The following KAZN variants were observed in gnomAD, a reference collection of about 807,000 sequenced individuals.
KAZN encodes kazrin, periplakin interacting protein, also known as kazrin.
A neutral mutation model predicts 87.4 loss-of-function variants in KAZN; 40 were observed. That is an observed-to-expected ratio of 0.46 (90% CI 0.36 to 0.60). KAZN has a LOEUF of 0.60. KAZN is among the 20% of genes least tolerant of loss of function. The pLI is 0.00. For synonymous variants in KAZN, 466 were observed against 458.3 expected (o/e 1.02, Z -0.22); for missense variants, 898 against 1,073.9 (o/e 0.84, Z 2.29).
At chr1:14,160,126 G>A (rs1380173317) in intron 1 of KAZN, among the ~76,000 whole-genome samples, 1 of 152,214 alleles carries the variant, frequency 6.6e-6, no homozygotes, top group African/African-American at 2.4e-5. Context: ...GCCCAGTTCA[G>A]CACTAGGACT....
intron 1 of KAZN, among the ~76,000 whole-genome samples, chr1:14,082,708 C>G (rs1217204973): frequency 1.3e-5 from 2 of 152,130 alleles, no homozygotes; most frequent in Non-Finnish European, 2.9e-5. Context: ...CCTGAGCATC[C>G]TATTTCTTTT....
At chr1:14,324,872 C>T (rs550052318) in intron 2 of KAZN, among the ~76,000 whole-genome samples, 20 of 152,190 alleles carry the variant, frequency 1.3e-4, no homozygotes, top group African/African-American at 4.6e-4. Flanking sequence ...AACTAGGTAA[C>T]CTTATGGAAA....
intron 2 of KAZN, among the ~76,000 whole-genome samples, chr1:14,537,943 G>T (rs1424576339): frequency 6.6e-6 from 1 of 152,120 alleles, no homozygotes; most frequent in Non-Finnish European, 1.5e-5. Flanking sequence ...ATAATAAATG[G>T]GGGTTATTAT....
intron 2 of KAZN, among the ~76,000 whole-genome samples, chr1:14,546,115 A>C (rs563534156): frequency 1.8e-3 from 270 of 152,340 alleles, no homozygotes; most frequent in Middle Eastern, 3.4e-3. Flanking sequence ...GAAAAAGGGT[A>C]GGTTCCTGTG....
intron 2 of KAZN, among the ~76,000 whole-genome samples, chr1:14,390,035 A>G (rs985565268): frequency 3.3e-5 from 5 of 152,220 alleles, no homozygotes; most frequent in African/African-American, 1.2e-4. Flanking sequence ...AGTGGATCAA[A>G]ACCAAATAAG....
chr1:14,216,253 A>G (rs543327250), intron 2 of KAZN, among the ~76,000 whole-genome samples: 292 of 152,302 alleles, frequency 1.9e-3, no homozygotes, highest in Middle Eastern at 3.4e-3. Context: ...ACATGTACTC[A>G]ATGGAAAGTA....
At chr1:14,624,648 C>G (rs1678978909) in intron 1 of KAZN, among the ~76,000 whole-genome samples, 1 of 152,074 alleles carries the variant, frequency 6.6e-6, no homozygotes, top group Non-Finnish European at 1.5e-5. Context: ...CCACACTGTG[C>G]CTTAGACAGC....
At chr1:14,167,122 T>C (rs147399047) in intron 1 of KAZN, among the ~76,000 whole-genome samples, 2,000 of 152,382 alleles carry the variant, frequency 0.013, 27 homozygotes, top group Non-Finnish European at 0.021. Flanking sequence ...TTAGAGCCCA[T>C]CTAGGCAGGA....
chr1:14,053,114 C>T (rs1030914221), intron 1 of KAZN, among the ~76,000 whole-genome samples: 2 of 152,234 alleles, frequency 1.3e-5, no homozygotes, highest in African/African-American at 4.8e-5. Flanking sequence ...CGGGATCTTA[C>T]TCCTGTGACA....
chr1:14,619,653 C>T (rs143795646), intron 1 of KAZN, among the ~76,000 whole-genome samples: 1 of 152,180 alleles, frequency 6.6e-6, no homozygotes, highest in Non-Finnish European at 1.5e-5. Flanking sequence ...TTTAACCACC[C>T]CACACGGAAA....
chr1:14,638,502 G>A (rs1340035638), intron 1 of KAZN, among the ~76,000 whole-genome samples: 2 of 150,708 alleles, frequency 1.3e-5, no homozygotes, highest in Non-Finnish European at 2.9e-5. Flanking sequence ...CTGGGAGGCG[G>A]AGGTTGCAGC....
At position 14,949,300 on chromosome 1, in the gene KAZN, G is replaced by A. The variant is rs2311969; in HGVS notation, c.227-11384G>A. On this transcript the variant is annotated intron_variant, in intron 1 of 14. Transcript: ENST00000376030. The surrounding 1 kb of genome is among the most constrained non-coding windows in gnomAD (Gnocchi z 4.3). ...AATACTAACTTAAAAACAAAAAAAA[G>A]AAAAAGAAAATGTGCTCACTGAGGG... Among the ~76,000 whole-genome samples, 2,901 of 151,906 alleles carry A rather than the reference G, an allele frequency of 0.019. 86 individuals carry two copies. The highest frequency in any genetic ancestry group is 0.067 in the African/African-American group (2,752 of 41,268).
intron 2 of KAZN, among the ~76,000 whole-genome samples, chr1:14,226,300 G>A (rs903522215): frequency 6.6e-6 from 1 of 151,832 alleles, no homozygotes; most frequent in African/African-American, 2.4e-5. Flanking sequence ...ACAAGCATAT[G>A]AAAAAAATTT....
chr1:13,932,258 A>ATT lies in KAZN; in HGVS notation c.91+38521_91+38522dup, dbSNP rs1553175095. ...GGGTACAGTTCTCAGCTTATTAAAC[A>ATT]TTTTTTTTTTTTTTTTTTTTGAGAC... is the stretch of plus-strand genomic sequence containing the variant. On this transcript the variant is annotated intron_variant, in intron 1 of 16. Coordinates refer to the KAZN transcript ENST00000636203. 2.4e-3 allele frequency among the ~76,000 whole-genome samples: 105 copies of ATT among 43,102 alleles called. 3 individuals carry two copies. Among genetic ancestry groups the ATT allele is most frequent in the East Asian group, 0.018 (53 of 2,964 alleles). The allele number at this position is 43,102 out of a possible 152,430, so 28.3% of individuals were successfully genotyped here.
chr1:14,230,635 A>G (rs919543974), intron 2 of KAZN, among the ~76,000 whole-genome samples: 20 of 152,126 alleles, frequency 1.3e-4, no homozygotes, highest in Admixed American at 3.3e-4. Flanking sequence ...GGGATAGAAC[A>G]AGTTTCTTAG....
At chr1:14,464,599 C>T (rs1383026893) in intron 2 of KAZN, among the ~76,000 whole-genome samples, 4 of 151,488 alleles carry the variant, frequency 2.6e-5, no homozygotes, top group South Asian at 2.1e-4. Context: ...AGTGCAGTGG[C>T]GTGATTTCAG....
chr1:14,772,739 G>A (rs915396419), intron 1 of KAZN, among the ~76,000 whole-genome samples: 21 of 152,172 alleles, frequency 1.4e-4, no homozygotes, highest in Middle Eastern at 3.4e-3. Context: ...GAGTGGGCTG[G>A]AGACCCCTTC....
At chr1:14,629,493 G>A (rs929602456) in intron 1 of KAZN, among the ~76,000 whole-genome samples, 7 of 152,154 alleles carry the variant, frequency 4.6e-5, no homozygotes, top group South Asian at 2.1e-4. Context: ...CGCAGGCTGC[G>A]AGCACCCCAG....
At chr1:14,432,135 C>A (rs1003456946) in intron 2 of KAZN, among the ~76,000 whole-genome samples, 1 of 152,172 alleles carries the variant, frequency 6.6e-6, no homozygotes, top group African/African-American at 2.4e-5. Context: ...AGCCTACTAG[C>A]AGCAGGGAGT....
Sources: gnomAD v4.1 joint callset for allele counts (sites outside exome capture counted in the v4.1 genomes callset) on GRCh38, gnomAD v4.1.1 for gene constraint, Gnocchi (gnomAD v3.1) non-coding constraint, MANE v1.5 for transcripts, NCBI Gene and HGNC (gene_info 2026-07-23, HGNC 2026-07-21) for gene names.